The following GPR39 variants were observed in gnomAD, a reference collection of about 807,000 sequenced individuals.
GPR39 encodes zinc sensing receptor.
Under a neutral mutation model 18.4 loss-of-function variants are expected in GPR39, and 23 were observed. The observed-to-expected ratio is 1.25, with a 90% CI of 0.90 to 1.77. The LOEUF (loss-of-function observed/expected upper bound fraction) is 1.77. GPR39 is among the 40% of genes most tolerant of loss of function. GPR39 has a pLI of 0.00. For synonymous variants in GPR39, 280 were observed against 257.9 expected (o/e 1.09, Z -0.82); for missense variants, 647 against 602.4 (o/e 1.07, Z -0.78).
chr2:132,571,655 T>G (rs898128558), intron 1 of GPR39, among the ~76,000 whole-genome samples: 1 of 151,972 alleles, frequency 6.6e-6, no homozygotes, highest in Non-Finnish European at 1.5e-5. Context: ...TACTGAGTGA[T>G]GGTAAGGGGT....
chr2:132,440,581 C>T (rs576725223), intron 1 of GPR39, among the ~76,000 whole-genome samples: 30 of 152,084 alleles, frequency 2.0e-4, no homozygotes, highest in African/African-American at 6.0e-4. Context: ...AATACCAACG[C>T]GGTGCTTGGA....
intron 1 of GPR39, among the ~76,000 whole-genome samples, chr2:132,589,818 T>C (rs547065132): frequency 6.6e-6 from 1 of 152,374 alleles, no homozygotes; most frequent in East Asian, 1.9e-4. Context: ...TTCTCCCTGC[T>C]GCTACAGGAC....
chr2:132,510,116 C>G (rs533516260), intron 1 of GPR39, among the ~76,000 whole-genome samples: 1 of 152,322 alleles, frequency 6.6e-6, no homozygotes, highest in Admixed American at 6.5e-5. Flanking sequence ...GATGGTTGGT[C>G]ATAACATTTG....
At position 132,644,911 on chromosome 2, in the gene GPR39, A is replaced by C. The variant is rs538487466; in HGVS notation, c.857-190A>C. 5.6e-5 allele frequency: 35 copies of C among 626,234 alleles called. No individual in the cohort carries two copies. The South Asian group carries it at 6.9e-4, about 12-fold the overall frequency. The allele number at this position is 626,234 out of a possible 1,614,324, so 38.8% of individuals were successfully genotyped here. ...ACACAGCCAACTCCCCCGGGTTTGA[A>C]ACAGTGTTAAATTCTCTCTTGCTTG... On this transcript the variant is annotated intron_variant, in intron 1 of 1. Coordinates refer to ENST00000329321, the MANE Select transcript of GPR39 (RefSeq NM_001508.3).
At chr2:132,492,642 C>CACACCATATA (rs1349902319) in intron 1 of GPR39, among the ~76,000 whole-genome samples, 1 of 118,798 alleles carries the variant, frequency 8.4e-6, no homozygotes, top group Non-Finnish European at 1.8e-5. Context: ...TACACACCAT[C>CACACCATATA]TATATATAAT....
chr2:132,436,851 T>C (rs1310586655), intron 1 of GPR39, among the ~76,000 whole-genome samples: 1 of 152,192 alleles, frequency 6.6e-6, no homozygotes, highest in Non-Finnish European at 1.5e-5. Flanking sequence ...CGCAGCGTGG[T>C]TATGTGGATC....
At chr2:132,422,619 G>T (rs1381209927) in intron 1 of GPR39, among the ~76,000 whole-genome samples, 1 of 151,980 alleles carries the variant, frequency 6.6e-6, no homozygotes, top group Non-Finnish European at 1.5e-5. Context: ...CATTAAATTA[G>T]TGACTTTTTT....
At chr2:132,570,291 C>T (rs768717109) in intron 1 of GPR39, among the ~76,000 whole-genome samples, 1 of 152,166 alleles carries the variant, frequency 6.6e-6, no homozygotes, top group African/African-American at 2.4e-5. Context: ...CACTACCCCT[C>T]GTCTCTGAGA....
chr2:132,488,059 G>C (rs946027249), intron 1 of GPR39, among the ~76,000 whole-genome samples: 15 of 152,178 alleles, frequency 9.9e-5, no homozygotes, highest in Non-Finnish European at 1.8e-4. Context: ...CCCATTTTTA[G>C]GTCCTATTTG....
chr2:132,421,390 T>C (rs1680005551), intron 1 of GPR39, among the ~76,000 whole-genome samples: 1 of 152,192 alleles, frequency 6.6e-6, no homozygotes, highest in East Asian at 1.9e-4. Context: ...CAGCTGCAAC[T>C]ACCTCCTAGA....
At chr2:132,627,173 G>T (rs1322515582) in intron 1 of GPR39, among the ~76,000 whole-genome samples, 9 of 152,134 alleles carry the variant, frequency 5.9e-5, no homozygotes, top group African/African-American at 2.2e-4. Flanking sequence ...GACTGGCCCT[G>T]TGTCCCTGAT....
chr2:132,469,204 G>T (rs1266037412), intron 1 of GPR39, among the ~76,000 whole-genome samples: 2 of 152,182 alleles, frequency 1.3e-5, no homozygotes, highest in African/African-American at 4.8e-5. Flanking sequence ...CCCCCTGTAG[G>T]CATCAGAAAA....
chr2:132,599,930 A>C (rs1681010255), intron 1 of GPR39, among the ~76,000 whole-genome samples: 1 of 152,156 alleles, frequency 6.6e-6, no homozygotes, highest in Non-Finnish European at 1.5e-5. Context: ...CATGGATGAG[A>C]TATGAGTGAA....
At chr2:132,492,957 TATATATACACCATATATACACC>T (rs1215998151) in intron 1 of GPR39, among the ~76,000 whole-genome samples, 5 of 143,066 alleles carry the variant, frequency 3.5e-5, no homozygotes, top group Non-Finnish European at 7.6e-5. Flanking sequence ...ATATACACCA[TATATATACACCATATATACACC>T]ATATATACAC....
At chr2:132,485,272 A>G (rs1681310009) in intron 1 of GPR39, among the ~76,000 whole-genome samples, 2 of 152,202 alleles carry the variant, frequency 1.3e-5, no homozygotes. Context: ...TGATCATCTG[A>G]GCCATCTGTG....
Position 132,645,675 on chromosome 2 carries a change from C to T in GPR39, c.*69C>T. 6.5e-7 allele frequency: 1 copy of T among 1,533,276 alleles called. No homozygotes were observed. The highest frequency in any genetic ancestry group is 8.8e-7 in the Non-Finnish European group (1 of 1,141,042). The allele number at this position is 1,533,276 out of a possible 1,614,324, so 95.0% of individuals were successfully genotyped here. ...CTAAGAAAACGTCACTCTCACTCTG[C>T]AGTCTCAAACTATGCCCCCATCAGG... On this transcript the variant is annotated 3_prime_UTR_variant, in exon 2 of 2. Coordinates refer to ENST00000329321, the MANE Select transcript of GPR39 (RefSeq NM_001508.3).
chr2:132,623,725 G>A (rs566898129), intron 1 of GPR39, among the ~76,000 whole-genome samples: 1 of 152,238 alleles, frequency 6.6e-6, no homozygotes, highest in South Asian at 2.1e-4. Context: ...TCTTCTAGCT[G>A]GAAACATTTC....
At chr2:132,435,864 A>T (rs1680308768) in intron 1 of GPR39, among the ~76,000 whole-genome samples, 1 of 152,228 alleles carries the variant, frequency 6.6e-6, no homozygotes, top group Non-Finnish European at 1.5e-5. Flanking sequence ...GAATAGAAAG[A>T]GTGTGAAGAT....
At chr2:132,443,636 A>G (rs1268430001) in intron 1 of GPR39, among the ~76,000 whole-genome samples, 1 of 152,252 alleles carries the variant, frequency 6.6e-6, no homozygotes, top group African/African-American at 2.4e-5. Flanking sequence ...TGATGAATTT[A>G]TCGGGATGTA....
Sources: allele counts gnomAD v4.1 joint callset (sites outside exome capture counted in the v4.1 genomes callset), GRCh38; gene constraint gnomAD v4.1.1; transcripts MANE v1.5; gene names NCBI Gene and HGNC (gene_info 2026-07-23, HGNC 2026-07-21).